The following ADAMTS20 variants were observed in gnomAD, a reference collection of about 807,000 sequenced individuals.
ADAMTS20 encodes ADAM metallopeptidase with thrombospondin type 1 motif 20, also known as A disintegrin and metalloproteinase with thrombospondin motifs 20.
Under a neutral mutation model 260.1 loss-of-function variants are expected in ADAMTS20, and 225 were observed. The observed-to-expected ratio is 0.87, with a 90% CI of 0.78 to 0.97. The LOEUF is 0.97. Ranked by LOEUF, ADAMTS20 falls within the 50% of genes least tolerant of loss-of-function variation. ADAMTS20 has a pLI of 0.00. For missense variants in ADAMTS20, 2,400 were observed against 2,337.7 expected, an observed-to-expected ratio of 1.03 and a Z score of -0.55; for synonymous variants, 802 against 769.5, an observed-to-expected ratio of 1.04 and a Z score of -0.70.
In ADAMTS20 at chr12:43,428,283, T is replaced by C. The variant is rs866078963; in HGVS notation, c.3903A>G (p.Pro1301=). ...TTCTCCACTGGTTTCCTCTGACTGA[T>C]GGATGGACCACCTGATTTTCATTAT... ...LEDNENQVVH[P]SVRGNQWRTG... is the part of the protein sequence containing the mutation. Residue 1301 remains proline, a synonymous_variant, in exon 26 of 39, where the codon CCA becomes CCG. Coordinates refer to ENST00000389420, the MANE Select transcript of ADAMTS20 (RefSeq NM_025003.5). 5.6e-6 allele frequency: 9 copies of C among 1,614,038 alleles called. No homozygotes were observed. Among genetic ancestry groups the C allele is most frequent in the Non-Finnish European group, 7.6e-6 (9 of 1,179,890 alleles).
At chr12:43,509,410 A>T (rs1046712131) in intron 3 of ADAMTS20, among the ~76,000 whole-genome samples, 1 of 152,126 alleles carries the variant, frequency 6.6e-6, no homozygotes, top group Non-Finnish European at 1.5e-5. Flanking sequence ...GGAATCAACC[A>T]TAAGAGAACA....
At chr12:43,405,230 A>AG in intron 28 of ADAMTS20, among the ~76,000 whole-genome samples, 1 of 20,534 alleles carries the variant, frequency 4.9e-5, no homozygotes, top group African/African-American at 1.4e-4. Flanking sequence ...TCATCTCTAC[A>AG]AAAAAAAAAA....
intron 7 of ADAMTS20, among the ~76,000 whole-genome samples, chr12:43,487,921 A>G (rs1328518944): frequency 6.6e-6 from 1 of 152,200 alleles, no homozygotes; most frequent in Non-Finnish European, 1.5e-5. Context: ...TCAAGTGCAT[A>G]CCGAAATTTT....
intron 2 of ADAMTS20, among the ~76,000 whole-genome samples, chr12:43,546,447 C>A (rs1420111143): frequency 6.6e-6 from 1 of 151,602 alleles, no homozygotes; most frequent in African/African-American, 2.4e-5. Context: ...TCCCCGAGGA[C>A]CTTGGGAAGA....
At chr12:43,359,624 G>C (rs1211254805) in intron 37 of ADAMTS20, among the ~76,000 whole-genome samples, 3 of 152,114 alleles carry the variant, frequency 2.0e-5, no homozygotes, top group Non-Finnish European at 2.9e-5. Context: ...TAATCAAGAC[G>C]TATGGTGTTG....
chr12:43,531,791 A>C (rs1943224680), intron 3 of ADAMTS20, among the ~76,000 whole-genome samples: 1 of 152,154 alleles, frequency 6.6e-6, no homozygotes, highest in Admixed American at 6.6e-5. Context: ...CACCACAAAA[A>C]AAAGAAAAAT....
At chr12:43,400,584 A>G (rs1053727618) in intron 28 of ADAMTS20, among the ~76,000 whole-genome samples, 2 of 151,864 alleles carry the variant, frequency 1.3e-5, no homozygotes, top group African/African-American at 4.8e-5. Flanking sequence ...ATTAAGATAC[A>G]TTCTTTCCTT....
At chr12:43,440,696 C>A (rs1447137985) in intron 16 of ADAMTS20, among the ~76,000 whole-genome samples, 1 of 152,094 alleles carries the variant, frequency 6.6e-6, no homozygotes, top group African/African-American at 2.4e-5. Flanking sequence ...GTCATGACCC[C>A]AGCAGACAGA....
chr12:43,471,197 C>G (rs1212752073), intron 7 of ADAMTS20, among the ~76,000 whole-genome samples: 1 of 152,136 alleles, frequency 6.6e-6, no homozygotes, highest in Admixed American at 6.6e-5. Context: ...TCAGGGAGTT[C>G]CCTTTCCGAG....
chr12:43,484,037 T>C (rs182183960), intron 7 of ADAMTS20, among the ~76,000 whole-genome samples: 204 of 152,204 alleles, frequency 1.3e-3, no homozygotes, highest in African/African-American at 4.8e-3. Flanking sequence ...GAGAAACCCA[T>C]TGCATGAAGA....
At chr12:43,525,501 A>G (rs1943129183) in intron 3 of ADAMTS20, among the ~76,000 whole-genome samples, 1 of 152,214 alleles carries the variant, frequency 6.6e-6, no homozygotes, top group Non-Finnish European at 1.5e-5. Context: ...AACATGATGA[A>G]TGGAACAGTA....
chr12:43,392,654 C>T (rs1940619574), intron 29 of ADAMTS20, among the ~76,000 whole-genome samples: 1 of 152,060 alleles, frequency 6.6e-6, no homozygotes, highest in African/African-American at 2.4e-5. Flanking sequence ...TCATCAATAA[C>T]CCCAACTGCC....
intron 12 of ADAMTS20, among the ~76,000 whole-genome samples, chr12:43,453,323 T>A (rs1269220796): frequency 2.0e-5 from 3 of 152,170 alleles, no homozygotes; most frequent in African/African-American, 7.2e-5. Context: ...TCATATTGCT[T>A]ACCAACTTAT....
At chr12:43,466,258 G>T (rs1942149786) in intron 9 of ADAMTS20, among the ~76,000 whole-genome samples, 1 of 151,876 alleles carries the variant, frequency 6.6e-6, no homozygotes. Context: ...TCCTTCAGGG[G>T]CACCTCAAAC....
intron 3 of ADAMTS20, among the ~76,000 whole-genome samples, chr12:43,503,263 G>A (rs1259740783): frequency 6.6e-6 from 1 of 151,924 alleles, no homozygotes; most frequent in Non-Finnish European, 1.5e-5. Flanking sequence ...ACAATTGTTT[G>A]GTGGTGGTAT....
chr12:43,478,556 A>T (rs563700559), intron 7 of ADAMTS20, among the ~76,000 whole-genome samples: 4 of 152,162 alleles, frequency 2.6e-5, no homozygotes, highest in Admixed American at 6.5e-5. Flanking sequence ...GGATAAATAA[A>T]AAGAAACATA....
At chr12:43,521,130 C>G (rs950800590) in intron 3 of ADAMTS20, among the ~76,000 whole-genome samples, 1 of 152,160 alleles carries the variant, frequency 6.6e-6, no homozygotes, top group African/African-American at 2.4e-5. Flanking sequence ...GTTAAAAACT[C>G]GTAAGCTTGC....
At chr12:43,474,428 C>A (rs1942316795) in intron 7 of ADAMTS20, among the ~76,000 whole-genome samples, 1 of 150,824 alleles carries the variant, frequency 6.6e-6, no homozygotes, top group Non-Finnish European at 1.5e-5. Flanking sequence ...GAACTGGTAC[C>A]ATTCCTTGTG....
chr12:43,506,117 C>A (rs972119649), intron 3 of ADAMTS20, among the ~76,000 whole-genome samples: 1 of 149,540 alleles, frequency 6.7e-6, no homozygotes, highest in Non-Finnish European at 1.5e-5. Flanking sequence ...TGAGATTCCA[C>A]CTCTAAAACA....
Sources: allele counts gnomAD v4.1 joint callset (sites outside exome capture counted in the v4.1 genomes callset), GRCh38; gene constraint gnomAD v4.1.1; transcripts MANE v1.5; gene names NCBI Gene and HGNC (gene_info 2026-07-23, HGNC 2026-07-21).